Variants in ADGRL3 observed in about 807,000 individuals in gnomAD.
ADGRL3 encodes the protein calcium-independent alpha-latrotoxin receptor 3.
ADGRL3 carries 62 observed loss-of-function variants against 153.5 expected under a neutral mutation model. The observed-to-expected ratio is 0.40, with a 90% confidence interval of 0.33 to 0.50. The LOEUF (loss-of-function observed/expected upper bound fraction) is 0.50. ADGRL3 is among the 20% of genes least tolerant of loss of function. ADGRL3 has a pLI of 0.47. For synonymous variants in ADGRL3, 710 were observed against 672.5 expected (o/e 1.06, Z -0.86); for missense variants, 1,641 against 1,859.4 (o/e 0.88, Z 2.16).
chr4:61,873,362 C>T (rs13134900), intron 9 of ADGRL3, among the ~76,000 whole-genome samples: 4 of 152,198 alleles, frequency 2.6e-5, no homozygotes, highest in Non-Finnish European at 5.9e-5. Flanking sequence ...CCTCCCTAAC[C>T]TAATTCAAGC....
chr4:61,892,490 T>A (rs2098595900), intron 9 of ADGRL3, among the ~76,000 whole-genome samples, 166 bp from the exon 10 acceptor site: 1 of 152,156 alleles, frequency 6.6e-6, no homozygotes, highest in Admixed American at 6.5e-5. Context: ...GATACCTTGG[T>A]ATTGGCTTAT....
intron 3 of ADGRL3, among the ~76,000 whole-genome samples, chr4:61,512,407 C>A (rs757995246): frequency 2.0e-5 from 3 of 152,104 alleles, no homozygotes; most frequent in Non-Finnish European, 1.5e-5. Flanking sequence ...CCCAAAATTT[C>A]TTAGCCATCT....
intron 1 of ADGRL3, among the ~76,000 whole-genome samples, chr4:61,270,455 C>T (rs1220569584): frequency 1.3e-5 from 2 of 151,684 alleles, no homozygotes; most frequent in African/African-American, 4.8e-5. Flanking sequence ...TCAGTTAACA[C>T]TCTTAATATG....
chr4:62,074,230 C>A lies in ADGRL3; in HGVS notation c.*3322C>A, dbSNP rs1442100390. ...ATTTCCGTCAAACAGATGTAGTATA[C>A]CGCTATAATACAGCTTATTTAGCCA... On this transcript the variant is annotated 3_prime_UTR_variant, in exon 27 of 27. Coordinates refer to ENST00000683033, the MANE Select transcript of ADGRL3 (RefSeq NM_001387552.1). 6.6e-6 allele frequency: 1 copy of A among 152,068 alleles called. No homozygotes were observed. The highest frequency in any genetic ancestry group is 1.5e-5 in the Non-Finnish European group (1 of 68,010). The allele number at this position is 152,068 out of a possible 1,614,324, so 9.4% of individuals were successfully genotyped here. A position where few individuals can be genotyped will look rare whatever the true frequency, so the allele number is the denominator to read the frequency against.
At chr4:61,905,944 T>G (rs2098693686) in intron 11 of ADGRL3, among the ~76,000 whole-genome samples, 1 of 151,920 alleles carries the variant, frequency 6.6e-6, no homozygotes, top group African/African-American at 2.4e-5. Flanking sequence ...GATTATATAA[T>G]AATTGTTTAA....
intron 2 of ADGRL3, among the ~76,000 whole-genome samples, chr4:61,391,991 C>T (rs2096811129): frequency 6.7e-6 from 1 of 150,302 alleles, no homozygotes; most frequent in Non-Finnish European, 1.5e-5. Context: ...TCCCGAGTAG[C>T]TGGGACTGCA....
intron 5 of ADGRL3, among the ~76,000 whole-genome samples, chr4:61,643,898 G>A (rs1172798181): frequency 1.2e-4 from 17 of 138,156 alleles, no homozygotes; most frequent in South Asian, 5.0e-4. Context: ...GGTAGAATTC[G>A]GCTGTGAATC....
chr4:61,964,763 A>T (rs1307542187), intron 17 of ADGRL3, among the ~76,000 whole-genome samples: 1 of 152,156 alleles, frequency 6.6e-6, no homozygotes, highest in Admixed American at 6.5e-5. Flanking sequence ...TTTTAAAAAA[A>T]TTTAAATATA....
intron 13 of ADGRL3, among the ~76,000 whole-genome samples, chr4:61,918,301 GAA>G (rs1297454245): frequency 1.3e-5 from 2 of 152,184 alleles, no homozygotes; most frequent in African/African-American, 2.4e-5. Context: ...GGGAGGGGCA[GAA>G]AGAGAACTCC....
At chr4:61,622,093 T>C (rs1296626699) in intron 5 of ADGRL3, among the ~76,000 whole-genome samples, 2 of 152,160 alleles carry the variant, frequency 1.3e-5, no homozygotes, top group African/African-American at 4.8e-5. Flanking sequence ...TAGAGGCATG[T>C]GTACAGAACA....
At chr4:61,638,892 T>C (rs931449532) in intron 5 of ADGRL3, among the ~76,000 whole-genome samples, 2 of 152,166 alleles carry the variant, frequency 1.3e-5, no homozygotes, top group Non-Finnish European at 2.9e-5. Flanking sequence ...TATATGTAAA[T>C]TTAGTTCCTC....
chr4:62,008,586 A>G (rs1016041474), intron 21 of ADGRL3, among the ~76,000 whole-genome samples: 1 of 151,966 alleles, frequency 6.6e-6, no homozygotes, highest in Non-Finnish European at 1.5e-5. Context: ...AGAATTATGT[A>G]ATATTGAAAA....
At chr4:61,438,238 G>T (rs926338060) in intron 2 of ADGRL3, among the ~76,000 whole-genome samples, 4 of 152,068 alleles carry the variant, frequency 2.6e-5, no homozygotes, top group Admixed American at 2.0e-4. Context: ...ACCTCTTTTG[G>T]AAAATTGCAT....
At chr4:61,538,921 T>A (rs773125657) in intron 4 of ADGRL3, among the ~76,000 whole-genome samples, 12 of 152,174 alleles carry the variant, frequency 7.9e-5, no homozygotes, top group Non-Finnish European at 1.5e-4. Flanking sequence ...GTGCACCAGC[T>A]TCTTGTCCTG....
At chr4:61,378,802 G>T (rs889750370) in intron 1 of ADGRL3, among the ~76,000 whole-genome samples, 1 of 151,942 alleles carries the variant, frequency 6.6e-6, no homozygotes, top group Non-Finnish European at 1.5e-5. Flanking sequence ...GAAGTCTTAG[G>T]TTGTTCTGGG....
intron 4 of ADGRL3, among the ~76,000 whole-genome samples, chr4:61,532,537 C>A (rs1174793608): frequency 3.3e-5 from 3 of 90,322 alleles, no homozygotes; most frequent in African/African-American, 1.5e-4. Flanking sequence ...TGCATGCGCG[C>A]GCGCGCGCGC....
chr4:61,285,033 T>C (rs1183918065), intron 1 of ADGRL3, among the ~76,000 whole-genome samples: 1 of 151,770 alleles, frequency 6.6e-6, no homozygotes, highest in Non-Finnish European at 1.5e-5. Flanking sequence ...TGTGAGATGG[T>C]TGGCCACAGG....
intron 9 of ADGRL3, among the ~76,000 whole-genome samples, chr4:61,822,951 G>A (rs1376307): frequency 0.55 from 83,846 of 152,038 alleles, 24,590 homozygotes; most frequent in African/African-American, 0.74. Context: ...TGATGCTCAC[G>A]TTGAATACAG....
chr4:61,750,358 C>G (rs2096738635), intron 8 of ADGRL3, among the ~76,000 whole-genome samples: 1 of 152,142 alleles, frequency 6.6e-6, no homozygotes, highest in Non-Finnish European at 1.5e-5. Flanking sequence ...TAAAATGTCA[C>G]ATACGTAGTC....
Sources: allele counts gnomAD v4.1 joint callset (sites outside exome capture counted in the v4.1 genomes callset), GRCh38; gene constraint gnomAD v4.1.1; transcripts MANE v1.5; gene names NCBI Gene and HGNC (gene_info 2026-07-23, HGNC 2026-07-21).